Variants in JCAD observed in about 807,000 individuals in gnomAD.
JCAD encodes junctional cadherin 5-associated protein.
JCAD carries 40 observed loss-of-function variants against 98.0 expected under a neutral mutation model. That is an observed-to-expected ratio of 0.41 (90% confidence interval 0.32 to 0.53). JCAD has a LOEUF of 0.53. JCAD is among the 20% of genes least tolerant of loss of function. The probability of loss-of-function intolerance (pLI) is 0.31; values close to 1 mark genes in which losing one functional copy is unlikely to be tolerated. For synonymous variants in JCAD, 691 were observed against 682.3 expected (o/e 1.01, Z -0.20); for missense variants, 1,705 against 1,738.1 (o/e 0.98, Z 0.34).
At chr10:30,070,994 C>A (rs1488742143) in intron 1 of JCAD, among the ~76,000 whole-genome samples, 1 of 152,204 alleles carries the variant, frequency 6.6e-6, no homozygotes, top group Non-Finnish European at 1.5e-5. Flanking sequence ...CAACCTCCCC[C>A]TCCCGAGTTC....
At chr10:30,089,513 C>CGTGTGTGTGTGTGTGTGT (rs58665379) in intron 1 of JCAD, among the ~76,000 whole-genome samples, 18 of 142,954 alleles carry the variant, frequency 1.3e-4, no homozygotes, top group African/African-American at 4.5e-4. Flanking sequence ...ATGCTTCTTC[C>CGTGTGTGTGTGTGTGTGT]GTGTGTGTGT....
chr10:30,022,530 C>T (rs1836683282), intron 3 of JCAD, among the ~76,000 whole-genome samples: 2 of 152,180 alleles, frequency 1.3e-5, no homozygotes. Flanking sequence ...GAAAAGTGGA[C>T]ATACGTCAAA....
intron 2 of JCAD, among the ~76,000 whole-genome samples, chr10:30,033,504 A>T (rs1837044575): frequency 6.6e-6 from 1 of 152,180 alleles, no homozygotes; most frequent in African/African-American, 2.4e-5. Flanking sequence ...TGCAGAGGAG[A>T]GCCGGTCTTG....
intron 2 of JCAD, among the ~76,000 whole-genome samples, chr10:30,040,589 G>A (rs1564450348): frequency 6.6e-6 from 1 of 152,158 alleles, no homozygotes; most frequent in African/African-American, 2.4e-5. Flanking sequence ...TCCGACCCAC[G>A]GTTCTTCAGA....
In JCAD at chr10:30,026,583, G is replaced by A. The variant is rs779754348; in HGVS notation, c.3565C>T (p.Pro1189Ser). ...TCCAAGGGGCTGGGCTCAGGCTCAG[G>A]GACAGGGTCTGTGCTGGTGACAACC... is the stretch of plus-strand genomic sequence containing the variant. ...DGVVTSTDPV[P>S]EPEPSPLESK... The change falls in exon 3 of 4, where the codon CCT becomes TCT. Residue 1189 changes from proline to serine, a missense_variant. By Grantham distance (74) the Pro-to-Ser change is moderately conservative (BLOSUM62 -1). Around this residue, in one of 3 missense-constraint regions of JCAD, gnomAD observed 1,278 missense variants for 1,243.1 expected, o/e 1.03. Coordinates refer to ENST00000375377, the MANE Select transcript of JCAD (RefSeq NM_020848.4). 3.7e-6 allele frequency: 6 copies of A among 1,614,106 alleles called. No individual in the cohort carries two copies. The highest frequency in any genetic ancestry group is 1.1e-5 in the South Asian group (1 of 91,076).
intron 1 of JCAD, among the ~76,000 whole-genome samples, chr10:30,056,039 A>C (rs1051311601): frequency 1.3e-5 from 2 of 152,218 alleles, no homozygotes; most frequent in Non-Finnish European, 2.9e-5. Context: ...TGAGACCTTA[A>C]GTACCTCATT....
chr10:30,016,163 G>A lies in JCAD; in HGVS notation c.*1720C>T, dbSNP rs1341324763. The A allele has an allele frequency of 6.6e-6, 1 of 152,094 alleles. No homozygotes were observed. Among genetic ancestry groups the A allele is most frequent in the Non-Finnish European group, 1.5e-5 (1 of 68,016 alleles). 9.4% of individuals were successfully genotyped at this position (152,094 alleles called of 1,614,324 possible). ...AAGTTATTATGAAATAAAATCATAC[G>A]GTACAGATGAGAACAGGCCGGGACA... is the stretch of plus-strand genomic sequence containing the variant. On this transcript the variant is annotated 3_prime_UTR_variant, in exon 4 of 4. Transcript: ENST00000375377.
At chr10:30,085,063 G>A (rs1206244097) in intron 1 of JCAD, among the ~76,000 whole-genome samples, 1 of 152,142 alleles carries the variant, frequency 6.6e-6, no homozygotes, top group Non-Finnish European at 1.5e-5. Context: ...GAGAGCAGTA[G>A]GTATCCTGAT....
intron 2 of JCAD, among the ~76,000 whole-genome samples, chr10:30,044,509 C>T (rs1040585847): frequency 6.6e-6 from 1 of 152,076 alleles, no homozygotes; most frequent in South Asian, 2.1e-4. Context: ...AGGGCTATCC[C>T]GGGCCCCAGG....
intron 1 of JCAD, among the ~76,000 whole-genome samples, chr10:30,079,407 CAG>C (rs1838039632): frequency 6.7e-6 from 1 of 148,238 alleles, no homozygotes; most frequent in African/African-American, 2.5e-5. Context: ...GAACTGGCAA[CAG>C]AGAGCAAAAA....
At chr10:30,073,305 T>C (rs1000748434) in intron 1 of JCAD, among the ~76,000 whole-genome samples, 1 of 152,222 alleles carries the variant, frequency 6.6e-6, no homozygotes, top group Non-Finnish European at 1.5e-5. Context: ...TGATCCACAG[T>C]CTGGTTATGA....
At chr10:30,090,792 TTGTC>T (rs1435893887) in intron 1 of JCAD, among the ~76,000 whole-genome samples, 1 of 152,152 alleles carries the variant, frequency 6.6e-6, no homozygotes, top group Non-Finnish European at 1.5e-5. Flanking sequence ...TTCCAGCTCA[TTGTC>T]TGTCCGTTAG....
intron 2 of JCAD, among the ~76,000 whole-genome samples, chr10:30,046,420 G>A (rs1187477648): frequency 6.6e-6 from 1 of 152,164 alleles, no homozygotes; most frequent in Non-Finnish European, 1.5e-5. Flanking sequence ...ATTAGGGCCA[G>A]TGTGCGTGCA....
At chr10:30,050,146 C>G (rs1378036002) in intron 1 of JCAD, among the ~76,000 whole-genome samples, 2 of 151,536 alleles carry the variant, frequency 1.3e-5, no homozygotes, top group East Asian at 1.9e-4. Context: ...GAGAGCCTGT[C>G]TCTACTAAAA....
At chr10:30,105,690 T>A (rs1838564096) in intron 1 of JCAD, among the ~76,000 whole-genome samples, 1 of 152,186 alleles carries the variant, frequency 6.6e-6, no homozygotes, top group Non-Finnish European at 1.5e-5. Context: ...TGCAACATAA[T>A]TTTCATATTA....
intron 1 of JCAD, among the ~76,000 whole-genome samples, chr10:30,106,135 G>T (rs1035066012): frequency 1.3e-5 from 2 of 152,118 alleles, no homozygotes; most frequent in African/African-American, 2.4e-5. Flanking sequence ...ATTTTAAAGA[G>T]ATGCAGGCTG....
At chr10:30,086,581 G>A (rs893783755) in intron 1 of JCAD, among the ~76,000 whole-genome samples, 5 of 152,156 alleles carry the variant, frequency 3.3e-5, no homozygotes, top group African/African-American at 9.7e-5. Flanking sequence ...CACCCACCCT[G>A]GGTGGAAATC....
At chr10:30,018,320 A>T (rs1335443673) in intron 3 of JCAD, among the ~76,000 whole-genome samples, 1 of 146,020 alleles carries the variant, frequency 6.8e-6, no homozygotes, top group Non-Finnish European at 1.5e-5. Context: ...GGTAAATTAC[A>T]GCTCAAAAGA....
intron 1 of JCAD, among the ~76,000 whole-genome samples, chr10:30,110,865 T>C (rs557054403): frequency 1.3e-5 from 2 of 152,018 alleles, no homozygotes; most frequent in East Asian, 3.9e-4. Context: ...CCAGCTGATG[T>C]ATAGACCCCA....
Sources: allele counts gnomAD v4.1 joint callset (sites outside exome capture counted in the v4.1 genomes callset), GRCh38; gene constraint gnomAD v4.1.1; regional missense constraint gnomAD v4.1.1; transcripts MANE v1.5; gene names NCBI Gene and HGNC (gene_info 2026-07-23, HGNC 2026-07-21).